AGBL3: variants seen among roughly 807,000 people sequenced by gnomAD.
AGBL3 encodes the protein AGBL carboxypeptidase 3.
Under a neutral mutation model 94.5 loss-of-function variants are expected in AGBL3, and 68 were observed. The observed-to-expected ratio is 0.72, with a 90% confidence interval of 0.59 to 0.88. AGBL3 has a LOEUF of 0.88. Among genes scored for constraint, AGBL3 ranks in the 40% least tolerant of loss-of-function variants. The probability of loss-of-function intolerance (pLI) is 0.00; values close to 1 mark genes in which losing one functional copy is unlikely to be tolerated. For synonymous variants in AGBL3, 354 were observed against 370.7 expected (o/e 0.95, Z 0.52); for missense variants, 934 against 1,103.8 (o/e 0.85, Z 2.18).
chr7:135,069,759 C>T (rs1162538610), intron 12 of AGBL3, among the ~76,000 whole-genome samples: 1 of 151,920 alleles, frequency 6.6e-6, no homozygotes, highest in Admixed American at 6.6e-5. Context: ...TAAATGCCCA[C>T]AAGAGAAAGC....
intron 12 of AGBL3, among the ~76,000 whole-genome samples, chr7:135,072,777 G>A (rs1334819126): frequency 7.5e-6 from 1 of 133,120 alleles, no homozygotes; most frequent in African/African-American, 2.7e-5. Context: ...AGTGGGGGAG[G>A]GGGGAGGGAT....
chr7:135,024,633 G>A (rs1262017246), intron 5 of AGBL3, among the ~76,000 whole-genome samples: 3 of 152,170 alleles, frequency 2.0e-5, no homozygotes, highest in Non-Finnish European at 4.4e-5. Flanking sequence ...TCCAGCAATG[G>A]TTCTTAACCA....
At position 135,066,878 on chromosome 7, in the gene AGBL3, G is replaced by A. The variant is rs145850986; in HGVS notation, c.1908+7643G>A. The stretch of plus-strand genomic sequence containing the variant: ...CAGGGTTCATCTCAATGGGGATGTC[G>A]GACAGTGGGTGCAGGACAGTGGGTG... On this transcript the variant is annotated intron_variant, in intron 12 of 16. Coordinates refer to ENST00000436302, the MANE Select transcript of AGBL3 (RefSeq NM_178563.4). Among the ~76,000 whole-genome samples, 648 of 152,224 alleles carry A rather than the reference G, an allele frequency of 4.3e-3. 3 individuals carry two copies. Among genetic ancestry groups the A allele is most frequent in the African/African-American group, 0.014 (587 of 41,560 alleles).
chr7:135,058,530 G>A (rs1169171818), intron 11 of AGBL3, among the ~76,000 whole-genome samples: 1 of 151,788 alleles, frequency 6.6e-6, no homozygotes, highest in East Asian at 1.9e-4. Context: ...CCCTGATATA[G>A]CATTTATTCA....
At chr7:135,052,073 A>C (rs1487316737) in intron 11 of AGBL3, among the ~76,000 whole-genome samples, 1 of 152,136 alleles carries the variant, frequency 6.6e-6, no homozygotes, top group Admixed American at 6.6e-5. Flanking sequence ...ACATTCAAAA[A>C]AGTGTTGATT....
chr7:135,046,241 ATGGAAGG>A (rs1817346503), intron 11 of AGBL3, among the ~76,000 whole-genome samples: 1 of 152,074 alleles, frequency 6.6e-6, no homozygotes, highest in African/African-American at 2.4e-5. Flanking sequence ...TCACAGCAAA[ATGGAAGG>A]GGAAGTACGG....
At chr7:135,130,523 G>T (rs558304305) in intron 16 of AGBL3, among the ~76,000 whole-genome samples, 4 of 150,062 alleles carry the variant, frequency 2.7e-5, no homozygotes, top group Non-Finnish European at 5.9e-5. Context: ...CCTTCTGTTT[G>T]TAAGGACAGT....
rs188293248 is a variant in AGBL3 at position 135,109,613 on chromosome 7, C to A, written c.2111-5767C>A. Among the ~76,000 whole-genome samples, 134 of 152,338 alleles carry A rather than the reference C, an allele frequency of 8.8e-4. 2 individuals are homozygous for A. Among genetic ancestry groups the A allele is most frequent in the Admixed American group, 3.1e-3 (47 of 15,300 alleles). ...AGCAAAGATGGTGGCCCACCCCTCC[C>A]TCTGGGAGCTCTGTCCCAGGGAAGT... On this transcript the variant is annotated intron_variant, in intron 15 of 16. Coordinates refer to ENST00000436302, the MANE Select transcript of AGBL3 (RefSeq NM_178563.4).
intron 16 of AGBL3, chr7:135,129,563 T>G: frequency 1.3e-6 from 1 of 772,590 alleles, no homozygotes; most frequent in East Asian, 2.4e-5. Flanking sequence ...TCTGTTGGAT[T>G]TGCATGAGTT....
chr7:135,033,024 C>T (rs1299120437), intron 6 of AGBL3, 42 bp downstream of exon 6: 1 of 1,476,142 alleles, frequency 6.8e-7, no homozygotes, highest in African/African-American at 1.4e-5. Context: ...AGACCATCAA[C>T]TATTATTTTC....
At chr7:135,116,213 C>T (rs2348278) in intron 16 of AGBL3, among the ~76,000 whole-genome samples, 73,729 of 151,942 alleles carry the variant, frequency 0.49, 18,250 homozygotes, top group South Asian at 0.66. Flanking sequence ...CATGAGAAAA[C>T]TGAGGTGCAA....
intron 12 of AGBL3, among the ~76,000 whole-genome samples, chr7:135,073,166 G>A (rs1375943076): frequency 6.6e-6 from 1 of 151,986 alleles, no homozygotes; most frequent in Non-Finnish European, 1.5e-5. Context: ...TGTTAGTCAA[G>A]GGTATAAACT....
chr7:135,124,639 T>TA (rs1044182877), intron 16 of AGBL3, among the ~76,000 whole-genome samples: 5 of 152,160 alleles, frequency 3.3e-5, no homozygotes, highest in Non-Finnish European at 2.9e-5. Context: ...ACTGACCACA[T>TA]AATTGGAAGT....
intron 16 of AGBL3, among the ~76,000 whole-genome samples, chr7:135,133,500 G>A (rs1408999856): frequency 6.6e-6 from 1 of 152,144 alleles, no homozygotes; most frequent in Non-Finnish European, 1.5e-5. Context: ...AAATGGGAGA[G>A]ATCAGTCTAT....
intron 4 of AGBL3, among the ~76,000 whole-genome samples, chr7:135,016,335 T>A (rs1024886926): frequency 6.6e-6 from 1 of 152,176 alleles, no homozygotes; most frequent in East Asian, 1.9e-4. Context: ...TTGATCCCTA[T>A]TGATAATGTC....
chr7:135,006,274 C>T (rs1812376764), intron 4 of AGBL3, among the ~76,000 whole-genome samples: 1 of 151,734 alleles, frequency 6.6e-6, no homozygotes, highest in South Asian at 2.1e-4. Flanking sequence ...TCTTTTACCC[C>T]TCATTGACTA....
chr7:135,018,638 G>T (rs953012759), intron 5 of AGBL3, among the ~76,000 whole-genome samples: 3 of 152,156 alleles, frequency 2.0e-5, no homozygotes, highest in African/African-American at 7.2e-5. Context: ...TTCATTGAAC[G>T]TGTGAAAGAT....
chr7:134,998,581 C>T (rs1293238404), intron 4 of AGBL3, among the ~76,000 whole-genome samples: 1 of 152,150 alleles, frequency 6.6e-6, no homozygotes, highest in Non-Finnish European at 1.5e-5. Context: ...CAGTCTAGCT[C>T]GTGCTTCCTT....
chr7:135,106,917 C>T (rs1004107282), intron 15 of AGBL3, among the ~76,000 whole-genome samples: 1 of 152,070 alleles, frequency 6.6e-6, no homozygotes, highest in Non-Finnish European at 1.5e-5. Context: ...TTCAGGGAAT[C>T]GATTTCTTCC....
Sources: allele counts gnomAD v4.1 joint callset (sites outside exome capture counted in the v4.1 genomes callset), GRCh38; gene constraint gnomAD v4.1.1; transcripts MANE v1.5; gene names NCBI Gene and HGNC (gene_info 2026-07-23, HGNC 2026-07-21).